Variants in PLXDC2 observed in about 807,000 individuals in gnomAD.
PLXDC2 encodes plexin domain-containing protein 2.
Under a neutral mutation model 68.9 loss-of-function variants are expected in PLXDC2, and 40 were observed. That is an observed-to-expected ratio of 0.58 (90% CI 0.45 to 0.76). The LOEUF (loss-of-function observed/expected upper bound fraction) is 0.76, where lower values mean the gene tolerates loss of function less well. Ranked by LOEUF, PLXDC2 falls within the 30% of genes least tolerant of loss-of-function variation. The probability of loss-of-function intolerance (pLI) is 0.00; values close to 1 mark genes in which losing one functional copy is unlikely to be tolerated. For synonymous variants in PLXDC2, 243 were observed against 234.2 expected (o/e 1.04, Z -0.34); for missense variants, 644 against 661.9 (o/e 0.97, Z 0.30).
intron 4 of PLXDC2, among the ~76,000 whole-genome samples, chr10:20,073,231 C>A (rs1352086333): frequency 3.3e-5 from 5 of 152,240 alleles, no homozygotes; most frequent in South Asian, 2.1e-4. Flanking sequence ...AAAGGGAATG[C>A]TTTAAACCAC....
At chr10:19,964,976 A>G (rs1455918147) in intron 1 of PLXDC2, among the ~76,000 whole-genome samples, 3 of 152,226 alleles carry the variant, frequency 2.0e-5, no homozygotes, top group Non-Finnish European at 4.4e-5. Flanking sequence ...AGAGTGCTCC[A>G]TAACAGTTAT....
At chr10:19,846,277 T>C (rs930604905) in intron 1 of PLXDC2, among the ~76,000 whole-genome samples, 3 of 152,002 alleles carry the variant, frequency 2.0e-5, no homozygotes, top group Non-Finnish European at 4.4e-5. Context: ...TAAAATAAAA[T>C]AAAAGGAAAA....
intron 6 of PLXDC2, among the ~76,000 whole-genome samples, chr10:20,153,247 A>G (rs1414238171): frequency 6.6e-6 from 1 of 152,248 alleles, no homozygotes; most frequent in South Asian, 2.1e-4. Context: ...AGTCAAGGAT[A>G]TCAAAATGAA....
chr10:19,938,853 G>A (rs1478224506), intron 1 of PLXDC2, among the ~76,000 whole-genome samples: 1 of 152,126 alleles, frequency 6.6e-6, no homozygotes, highest in African/African-American at 2.4e-5. Flanking sequence ...AAATTAATTG[G>A]AGCAGGAAGA....
chr10:20,010,995 C>G (rs1282098014), intron 2 of PLXDC2, among the ~76,000 whole-genome samples: 1 of 152,112 alleles, frequency 6.6e-6, no homozygotes, highest in Non-Finnish European at 1.5e-5. Flanking sequence ...TCTTCTTTGC[C>G]TATACTAATT....
At chr10:19,881,222 T>C (rs1837721412) in intron 1 of PLXDC2, among the ~76,000 whole-genome samples, 1 of 152,122 alleles carries the variant, frequency 6.6e-6, no homozygotes, top group South Asian at 2.1e-4. Flanking sequence ...TTCAATAGAT[T>C]CCCCTGCCTC....
chr10:20,131,486 G>A (rs1315878255), intron 4 of PLXDC2, among the ~76,000 whole-genome samples: 3 of 151,924 alleles, frequency 2.0e-5, no homozygotes, highest in East Asian at 3.9e-4. Context: ...TGCAACCTCC[G>A]CCTCCTGAGT....
intron 4 of PLXDC2, among the ~76,000 whole-genome samples, chr10:20,118,953 C>G (rs1589637717): frequency 7.1e-6 from 1 of 141,306 alleles, no homozygotes; most frequent in Non-Finnish European, 1.5e-5. Context: ...AAAGCAATTT[C>G]TGACACTGTA....
At chr10:20,112,329 T>C (rs1471014524) in intron 4 of PLXDC2, among the ~76,000 whole-genome samples, 1 of 143,140 alleles carries the variant, frequency 7.0e-6, no homozygotes, top group African/African-American at 2.5e-5. Flanking sequence ...ATTGTTCACA[T>C]AGGAAAATGA....
intron 3 of PLXDC2, among the ~76,000 whole-genome samples, chr10:20,052,731 AAAAAAAAAAAG>A (rs1835926292): frequency 6.6e-6 from 1 of 151,306 alleles, no homozygotes; most frequent in South Asian, 2.1e-4. Context: ...GCAAAAAAAA[AAAAAAAAAAAG>A]AAAGAAAGAA....
chr10:19,832,881 GC>G (rs772433711), intron 1 of PLXDC2, among the ~76,000 whole-genome samples: 2 of 152,144 alleles, frequency 1.3e-5, no homozygotes, highest in East Asian at 3.9e-4. Flanking sequence ...CGCCAGATGG[GC>G]TTGAGTCCAA....
rs550544037 is a variant in PLXDC2, at chr10:20,267,244, G to A, written c.1474-12459G>A. Among the ~76,000 whole-genome samples, 3 of 152,254 alleles carry A rather than the reference G, an allele frequency of 2.0e-5. No individual in the cohort carries two copies. The South Asian group carries it at 6.2e-4, about 32-fold the overall frequency. ...GCCTTTTAAAAATTATTATGATGTA[G>A]TGTTTAGTTGTTAAGGCTGACTGAA... On this transcript the variant is annotated intron_variant, in intron 13 of 13. Coordinates refer to ENST00000377252, the MANE Select transcript of PLXDC2 (RefSeq NM_032812.9).
chr10:19,994,381 T>A lies in PLXDC2; in HGVS notation c.113-7394T>A, dbSNP rs907668188. Among the ~76,000 whole-genome samples, 5 of 139,264 alleles carry A rather than the reference T, an allele frequency of 3.6e-5. No homozygotes were observed. In the East Asian group the frequency reaches 1.1e-3, roughly 30 times the overall value. 91.4% of individuals were successfully genotyped at this position (139,264 alleles called of 152,430 possible). ...TGTCACCCAGGCTGGAAGGCTAGAA[T>A]GCATTAGTATCATCATGGCTCACTG... On this transcript the variant is annotated intron_variant, in intron 1 of 13. Transcript: ENST00000377252.
intron 2 of PLXDC2, among the ~76,000 whole-genome samples, chr10:20,031,942 C>A (rs1333192312): frequency 6.6e-6 from 1 of 152,040 alleles, no homozygotes; most frequent in East Asian, 1.9e-4. Flanking sequence ...GCCTCAGCCT[C>A]CCGAGTAGCT....
intron 1 of PLXDC2, among the ~76,000 whole-genome samples, chr10:19,825,634 ATATT>A (rs1836556945): frequency 6.6e-6 from 1 of 152,180 alleles, no homozygotes; most frequent in African/African-American, 2.4e-5. Flanking sequence ...ATCCAATAAA[ATATT>A]TATTTCCCTA....
intron 1 of PLXDC2, among the ~76,000 whole-genome samples, chr10:19,977,027 A>G (rs770943550): frequency 7.9e-5 from 12 of 152,196 alleles, no homozygotes; most frequent in Non-Finnish European, 1.5e-4. Context: ...TGAGGATATT[A>G]ATGATAGTGT....
intron 2 of PLXDC2, among the ~76,000 whole-genome samples, chr10:20,036,417 G>A (rs997677876): frequency 6.6e-5 from 10 of 152,078 alleles, no homozygotes; most frequent in African/African-American, 2.4e-4. Context: ...CTCGATCTTG[G>A]ACTTCCAGCC....
chr10:20,019,958 G>T (rs1034953897), intron 2 of PLXDC2, among the ~76,000 whole-genome samples: 2 of 151,998 alleles, frequency 1.3e-5, no homozygotes, highest in Non-Finnish European at 2.9e-5. Context: ...TCTGATCTCA[G>T]CTATGAGTGT....
chr10:20,039,726 C>CAT (rs1835645229), intron 2 of PLXDC2, among the ~76,000 whole-genome samples: 1 of 152,034 alleles, frequency 6.6e-6, no homozygotes, highest in Non-Finnish European at 1.5e-5. Context: ...AAGTAGTTTG[C>CAT]ATATAATGTG....
Sources: allele counts gnomAD v4.1 joint callset (sites outside exome capture counted in the v4.1 genomes callset), GRCh38; gene constraint gnomAD v4.1.1; transcripts MANE v1.5; gene names NCBI Gene and HGNC (gene_info 2026-07-23, HGNC 2026-07-21).